SLC6A12: variants seen among roughly 807,000 people sequenced by gnomAD.
SLC6A12 encodes solute carrier family 6 member 12, also known as sodium- and chloride-dependent betaine transporter.
In SLC6A12, 50 loss-of-function variants were observed where a neutral mutation model predicts 73.3. The ratio of observed to expected loss-of-function variants is 0.68; its 90% CI spans 0.54 to 0.86. SLC6A12 has a LOEUF of 0.86. Ranked by LOEUF, SLC6A12 falls within the 40% of genes least tolerant of loss-of-function variation. The pLI, the probability that SLC6A12 is intolerant of heterozygous loss-of-function variation, is 0.00. For synonymous variants in SLC6A12, 304 were observed against 309.2 expected (o/e 0.98, Z 0.18); for missense variants, 648 against 772.8 (o/e 0.84, Z 1.92).
At chr12:200,141 G>C (rs544931139) in intron 7 of SLC6A12, among the ~76,000 whole-genome samples, 81 of 135,206 alleles carry the variant, frequency 6.0e-4, no homozygotes, top group Middle Eastern at 4.6e-3. Context: ...GACGGAGTCT[G>C]GCTGTCGCCC....
chr12:204,311 C>T (rs1940500606), intron 4 of SLC6A12: 1 of 486,576 alleles, frequency 2.1e-6, no homozygotes, highest in Admixed American at 3.3e-5. Context: ...ATGGTTGCCC[C>T]AAGAGGCATC....
chr12:187,630 A>C (rs1220073474), downstream of SLC6A12, among the ~76,000 whole-genome samples: 58 of 57,604 alleles, frequency 1.0e-3, 1 homozygote, highest in East Asian at 0.012. Context: ...AAAAAAAAAA[A>C]ACAAACCACA....
Position 191,050 on chromosome 12 carries a change from C to A in SLC6A12, c.*18G>T, listed in dbSNP as rs780808061. Reference sequence around the variant, plus strand: ...CCTAGGTTCCCGGCTTAGGAGCCGCCTGGCCTCTGGCCACACCCTACAAAT... The same window carrying A: ...CCTAGGTTCCCGGCTTAGGAGCCGCATGGCCTCTGGCCACACCCTACAAAT... On this transcript the variant is annotated 3_prime_UTR_variant, in exon 16 of 16. Transcript: ENST00000684302. The A allele has an allele frequency of 2.3e-6, 3 of 1,302,898 alleles. No homozygotes were observed. In the Admixed American group the frequency reaches 9.5e-5, roughly 41 times the overall value. 80.7% of individuals were successfully genotyped at this position (1,302,898 alleles called of 1,614,324 possible). A position where few individuals can be genotyped will look rare whatever the true frequency, so the allele number is the denominator to read the frequency against.
downstream of SLC6A12, among the ~76,000 whole-genome samples, chr12:187,693 T>TA (rs1939462327): frequency 5.5e-5 from 8 of 144,564 alleles, 1 homozygote; most frequent in South Asian, 1.8e-3. Context: ...CACTAGGGCC[T>TA]CCGGCAGCCT....
Position 198,094 on chromosome 12 carries a change from G to A in SLC6A12, c.847-91C>T. On this transcript the variant is annotated intron_variant, in intron 8 of 15. Coordinates refer to ENST00000684302, the MANE Select transcript of SLC6A12 (RefSeq NM_001122848.3). This position sits in a 1 kb window ranked among gnomAD's most constrained non-coding sequence, Gnocchi z 4.0. Reference sequence around the variant, plus strand: ...TCCAGACCCGTCCCCTGCAGCACCAGCCTGGCCCCTCAGTGCTCCCTGAGC... The same window carrying A: ...TCCAGACCCGTCCCCTGCAGCACCAACCTGGCCCCTCAGTGCTCCCTGAGC... 1.0e-6 allele frequency: 1 copy of A among 992,698 alleles called. No homozygotes were observed. Among genetic ancestry groups the A allele is most frequent in the Non-Finnish European group, 1.6e-6 (1 of 635,668 alleles). 61.5% of individuals were successfully genotyped at this position (992,698 alleles called of 1,614,324 possible). A position where few individuals can be genotyped will look rare whatever the true frequency, so the allele number is the denominator to read the frequency against.
intron 10 of SLC6A12, 92 bp downstream of exon 10, chr12:197,285 C>A: frequency 1.4e-6 from 2 of 1,396,556 alleles, no homozygotes; most frequent in Non-Finnish European, 1.9e-6. Context: ...ATCATATTGC[C>A]CATCTTCTGG....
Position 202,855 on chromosome 12 carries a change from G to A in SLC6A12, c.375C>T (p.Ile125=), listed in dbSNP as rs371597503. 2.7e-5 allele frequency: 44 copies of A among 1,613,754 alleles called. No individual in the cohort carries two copies. Among genetic ancestry groups the A allele is most frequent in the African/African-American group, 8.0e-5 (6 of 74,842 alleles). ...TGTAGTAGACATTCAAATATGACTCGATGACCACAGATGCCAGACCAATGC... is the reference window on the plus strand; with the variant it reads ...TGTAGTAGACATTCAAATATGACTCAATGACCACAGATGCCAGACCAATGC... The part of the protein sequence containing the change: ...FQGIGLASVV[I]ESYLNVYYII... The change falls in exon 5 of 16, where the codon ATC becomes ATT. Residue 125 remains isoleucine (I), a synonymous_variant. Coordinates refer to ENST00000684302, the MANE Select transcript of SLC6A12 (RefSeq NM_001122848.3).
At chr12:196,298 G>T in intron 11 of SLC6A12, 37 bp from the exon 12 acceptor site, 3 of 1,592,116 alleles carry the variant, frequency 1.9e-6, no homozygotes, top group Non-Finnish European at 2.6e-6. Context: ...AGAGGGTGTG[G>T]GGCGGGCTGT....
downstream of SLC6A12, among the ~76,000 whole-genome samples, chr12:185,867 C>G (rs780306936): frequency 6.6e-6 from 1 of 152,250 alleles, no homozygotes; most frequent in African/African-American, 2.4e-5. Context: ...CCCATCCTGT[C>G]TGGCAAACAC....
chr12:197,078 C>T (rs1565468834), intron 10 of SLC6A12, among the ~76,000 whole-genome samples, 196 bp from the exon 11 acceptor site: 66 of 8,900 alleles, frequency 7.4e-3, no homozygotes, highest in African/African-American at 0.022. Flanking sequence ...TCTACCCATC[C>T]ATCCATCCAT....
Position 197,130 on chromosome 12 carries a change from C to CATCT in SLC6A12, c.1075+246_1075+247insAGAT, listed in dbSNP as rs1366306049. On this transcript the variant is annotated intron_variant, in intron 10 of 15. Transcript: ENST00000684302. ...CCATCCATCCATCCATCCATCCATC[C>CATCT]ATCCATCCATCCATCCATCCATCCA... Among the ~76,000 whole-genome samples, 63 of 80,824 alleles carry CATCT rather than the reference C, an allele frequency of 7.8e-4. 1 individual carries two copies. The highest frequency in any genetic ancestry group is 2.5e-3 in the South Asian group (5 of 2,022). The allele number at this position is 80,824 out of a possible 152,430, so 53.0% of individuals were successfully genotyped here.
At position 198,055 on chromosome 12, in the gene SLC6A12, A is replaced by G; in HGVS notation, c.847-52T>C. ...GAGGCAGCCCCCAGGGCCCAGAGCC[A>G]GGGTGACCCGAGATCCAGACCCGTC... is the stretch of plus-strand genomic sequence containing the variant. On this transcript the variant is annotated intron_variant, in intron 8 of 15. Transcript: ENST00000684302. This position sits in a 1 kb window ranked among gnomAD's most constrained non-coding sequence, Gnocchi z 4.0. 6.7e-7 allele frequency: 1 copy of G among 1,496,440 alleles called. No homozygotes were observed. Among genetic ancestry groups the G allele is most frequent in the Admixed American group, 1.7e-5 (1 of 59,448 alleles). The allele number at this position is 1,496,440 out of a possible 1,614,324, so 92.7% of individuals were successfully genotyped here. A position where few individuals can be genotyped will look rare whatever the true frequency, so the allele number is the denominator to read the frequency against.
In SLC6A12 at chr12:195,304, C is replaced by T. The variant is rs759709721; in HGVS notation, c.1350G>A (p.Leu450=). 1.9e-6 allele frequency: 3 copies of T among 1,611,686 alleles called. No homozygotes were observed. Among genetic ancestry groups the T allele is most frequent in the Non-Finnish European group, 2.5e-6 (3 of 1,178,168 alleles). Residue 450 remains leucine, a synonymous_variant, in exon 13 of 16, where the codon CTG becomes CTA. Coordinates refer to ENST00000684302, the MANE Select transcript of SLC6A12 (RefSeq NM_001122848.3). ...VTEGGMYIFQ[L]FDYYASSGIC... ...TGCCACTGGAAGCATAGTAGTCAAA[C>T]AGCTGGAAGATGTACATCCCGCCCT... is the stretch of plus-strand genomic sequence containing the variant.
At chr12:197,132 T>C (rs1939924184) in intron 10 of SLC6A12, among the ~76,000 whole-genome samples, 1 of 105,428 alleles carries the variant, frequency 9.5e-6, no homozygotes, top group African/African-American at 3.6e-5. Context: ...CATCCATCCA[T>C]CCATCCATCC....
At position 198,797 on chromosome 12, in the gene SLC6A12, C is replaced by G; in HGVS notation, c.846G>C (p.Gln282His). 1 of 1,614,218 alleles carries G rather than the reference C, an allele frequency of 6.2e-7. No individual in the cohort carries two copies. Among genetic ancestry groups the G allele is most frequent in the Non-Finnish European group, 8.5e-7 (1 of 1,180,038 alleles). The change falls in exon 8 of 16, where the codon CAG becomes CAC. Residue 282 changes from glutamine (Q) to histidine (H), a missense_variant and splice_region_variant. Physicochemically the swap from Gln to His is conservative, Grantham distance 24. Transcript: ENST00000684302. This position sits in a 1 kb window ranked among gnomAD's most constrained non-coding sequence, Gnocchi z 4.0. ...KPDLFRLKDP[Q>H]VWMDAGTQIF... ...GAAGTGGTCCCAGCACGGTACATAC[C>G]TGAGGGTCCTTGAGGCGGAACAAAT... is the stretch of plus-strand genomic sequence containing the variant.
chr12:210,976 C>T (rs186251523), intron 2 of SLC6A12, among the ~76,000 whole-genome samples: 156 of 152,344 alleles, frequency 1.0e-3, no homozygotes, highest in African/African-American at 3.6e-3. Flanking sequence ...GAGACAAATC[C>T]GCTTCTGTCA....
chr12:209,306 A>G (rs1940804284), intron 3 of SLC6A12, among the ~76,000 whole-genome samples: 2 of 152,086 alleles, frequency 1.3e-5, no homozygotes, highest in African/African-American at 4.8e-5. Context: ...ACTCATCACC[A>G]TTTGACATAG....
chr12:204,509 G>A, intron 4 of SLC6A12, 55 bp downstream of exon 4: 14 of 1,552,584 alleles, frequency 9.0e-6, no homozygotes, highest in South Asian at 6.7e-5. Context: ...AGACCATGGG[G>A]GGATGCAGGC....
chr12:197,331 C>T, intron 10 of SLC6A12, 46 bp downstream of exon 10: 1 of 1,577,344 alleles, frequency 6.3e-7, no homozygotes, highest in Non-Finnish European at 8.6e-7. Context: ...AGTGTGTTCT[C>T]TGACTCTCCT....
Sources: gnomAD v4.1 joint callset for allele counts (sites outside exome capture counted in the v4.1 genomes callset) on GRCh38, gnomAD v4.1.1 for gene constraint, Gnocchi (gnomAD v3.1) non-coding constraint, MANE v1.5 for transcripts, NCBI Gene and HGNC (gene_info 2026-07-23, HGNC 2026-07-21) for gene names.